Variants in MKNK1 observed in about 807,000 individuals in gnomAD.
The protein encoded by MKNK1 is MAPK interacting serine/threonine kinase 1.
MKNK1 carries 30 observed loss-of-function variants against 49.3 expected under a neutral mutation model. That is an observed-to-expected ratio of 0.61 (90% CI 0.46 to 0.83). The LOEUF (loss-of-function observed/expected upper bound fraction) is 0.83, where lower values mean the gene tolerates loss of function less well. Ranked by LOEUF, MKNK1 falls within the 40% of genes least tolerant of loss-of-function variation. The probability of loss-of-function intolerance (pLI) is 0.00; values close to 1 mark genes in which losing one functional copy is unlikely to be tolerated. For missense variants in MKNK1, 423 were observed against 524.7 expected (o/e 0.81, Z 1.89); for synonymous variants, 176 against 201.7 (o/e 0.87, Z 1.08).
chr1:46,560,791 T>G (rs1667821911), intron 11 of MKNK1, among the ~76,000 whole-genome samples: 2 of 152,132 alleles, frequency 1.3e-5, no homozygotes, highest in South Asian at 4.1e-4. Flanking sequence ...AATGAGCCAG[T>G]TAGACACTCA....
In MKNK1 at chr1:46,562,265, G is replaced by A. The variant is rs1254691464; in HGVS notation, c.804+384C>T. ...AAAAAATTAGCCAGACGTGGTGGCC[G>A]GCGCCTGTAGTCCCAGCTACTTGGG... is the stretch of plus-strand genomic sequence containing the variant. On this transcript the variant is annotated intron_variant, in intron 10 of 12. Transcript: ENST00000371945. Among the ~76,000 whole-genome samples, 7 of 151,738 alleles carry A rather than the reference G, an allele frequency of 4.6e-5. No homozygotes were observed. In the South Asian group the frequency reaches 1.0e-3, roughly 23 times the overall value.
In MKNK1 at chr1:46,561,662, C is replaced by A; in HGVS notation, c.805-20G>T. 1.9e-6 allele frequency: 3 copies of A among 1,611,758 alleles called. No individual in the cohort carries two copies. The highest frequency in any genetic ancestry group is 1.7e-6 in the Non-Finnish European group (2 of 1,178,632). On this transcript the variant is annotated intron_variant, in intron 10 of 12. Transcript: ENST00000371945. The stretch of plus-strand genomic sequence containing the variant: ...CTTGTTCTAGGTACAAAAGATTCCT[C>A]CTGAGGCCACACTGCCAGGGATGGG...
chr1:46,567,822 A>G (rs757049503), intron 8 of MKNK1, among the ~76,000 whole-genome samples: 6 of 152,250 alleles, frequency 3.9e-5, no homozygotes, highest in Non-Finnish European at 8.8e-5. Flanking sequence ...TCTGCTTCAC[A>G]TAAGATTAAG....
At chr1:46,602,853 C>A (rs1276204882) in intron 1 of MKNK1, among the ~76,000 whole-genome samples, 1 of 152,146 alleles carries the variant, frequency 6.6e-6, no homozygotes, top group African/African-American at 2.4e-5. Flanking sequence ...GCAAAAGGAA[C>A]TAAGTAATTC....
At chr1:46,587,089 C>T (rs1012959198) in intron 2 of MKNK1, among the ~76,000 whole-genome samples, 4 of 152,216 alleles carry the variant, frequency 2.6e-5, no homozygotes, top group African/African-American at 4.8e-5. Context: ...GGATTACAGA[C>T]GTGAACCACT....
chr1:46,568,978 G>C (rs541738828), intron 7 of MKNK1: 1 of 154,726 alleles, frequency 6.5e-6, no homozygotes, highest in East Asian at 1.9e-4. Context: ...AGAGGAGCAA[G>C]TGTTAGTTAC....
At chr1:46,571,511 C>A in intron 7 of MKNK1, 1 of 432,144 alleles carries the variant, frequency 2.3e-6, no homozygotes. Flanking sequence ...CCATAGCACT[C>A]CAGCCTAGGT....
chr1:46,603,150 C>T (rs1239086915), intron 1 of MKNK1, among the ~76,000 whole-genome samples: 2 of 152,244 alleles, frequency 1.3e-5, no homozygotes, highest in Non-Finnish European at 2.9e-5. Flanking sequence ...CCTGGATTTC[C>T]TCTTCACATC....
At chr1:46,562,468 G>A (rs974653858) in intron 10 of MKNK1, among the ~76,000 whole-genome samples, 181 bp downstream of exon 10, 10 of 147,642 alleles carry the variant, frequency 6.8e-5, no homozygotes, top group Admixed American at 3.4e-4. Context: ...TGAACTCCCA[G>A]CTGGGCGGAG....
At position 46,572,111 on chromosome 1, in the gene MKNK1, G is replaced by C; in HGVS notation, c.409C>G (p.Arg137Gly). The change falls in exon 7 of 13, where the codon CGA becomes GGA. Residue 137 changes from arginine to glycine, a missense_variant. By Grantham distance (125) the Arg-to-Gly change is moderately radical (BLOSUM62 -2). Coordinates refer to ENST00000371945, the MANE Select transcript of MKNK1 (RefSeq NM_001135553.4). The stretch of plus-strand genomic sequence containing the variant: ...GCAGCAGCAACGTCCCGCACCACTC[G>C]GCTGGCTTCTCGCTCATTGAAGTGC... ...QKHFNEREAS[R>G]VVRDVAAALD... is the part of the protein sequence containing the mutation. The C allele has an allele frequency of 1.2e-6, 2 of 1,614,174 alleles. No individual in the cohort carries two copies. The highest frequency in any genetic ancestry group is 8.5e-7 in the Non-Finnish European group (1 of 1,180,018).
intron 12 of MKNK1, among the ~76,000 whole-genome samples, chr1:46,559,469 T>G (rs1667546679): frequency 6.6e-6 from 1 of 152,168 alleles, no homozygotes; most frequent in African/African-American, 2.4e-5. Context: ...AACAGGGCAG[T>G]CCAGCTGTAA....
chr1:46,567,280 C>T (rs879552526), intron 8 of MKNK1, among the ~76,000 whole-genome samples: 1 of 152,158 alleles, frequency 6.6e-6, no homozygotes, highest in South Asian at 2.1e-4. Context: ...TCCTCACGTT[C>T]TTGTTATGAG....
chr1:46,591,641 C>T (rs550008317), intron 2 of MKNK1, among the ~76,000 whole-genome samples: 3 of 152,282 alleles, frequency 2.0e-5, no homozygotes, highest in East Asian at 1.9e-4. Flanking sequence ...CAAGCACAAA[C>T]GCAGCCCACG....
intron 1 of MKNK1, among the ~76,000 whole-genome samples, chr1:46,595,585 G>A (rs886500372): frequency 6.6e-6 from 1 of 152,114 alleles, no homozygotes; most frequent in Non-Finnish European, 1.5e-5. Flanking sequence ...CTTAATACAC[G>A]AAATATCTCT....
intron 11 of MKNK1, among the ~76,000 whole-genome samples, chr1:46,560,867 G>A (rs532101875): frequency 2.6e-5 from 4 of 152,336 alleles, no homozygotes; most frequent in African/African-American, 9.6e-5. Flanking sequence ...GGGTCACTGA[G>A]GCTGGCCAGA....
chr1:46,568,203 C>A, intron 8 of MKNK1: 3 of 471,320 alleles, frequency 6.4e-6, no homozygotes, highest in South Asian at 3.6e-5. Flanking sequence ...TAATTTTGTG[C>A]AGGTCTCATA....
chr1:46,600,310 G>A (rs1189012806), intron 1 of MKNK1, among the ~76,000 whole-genome samples: 1 of 152,168 alleles, frequency 6.6e-6, no homozygotes, highest in African/African-American at 2.4e-5. Context: ...TTTCCTCTGT[G>A]TATATTTCTC....
intron 4 of MKNK1, 50 bp from the exon 5 acceptor site, chr1:46,576,704 GC>G: frequency 2.6e-6 from 4 of 1,519,148 alleles, no homozygotes; most frequent in Non-Finnish European, 3.7e-6. Context: ...CTTCCAAACA[GC>G]CCTTTGGCAG....
intron 1 of MKNK1, among the ~76,000 whole-genome samples, chr1:46,596,817 A>C (rs1034065073): frequency 6.6e-6 from 1 of 152,180 alleles, no homozygotes; most frequent in East Asian, 1.9e-4. Flanking sequence ...GCAGCTCTGG[A>C]AAGCAACCCA....
Sources: gnomAD v4.1 joint callset for allele counts (sites outside exome capture counted in the v4.1 genomes callset) on GRCh38, gnomAD v4.1.1 for gene constraint, MANE v1.5 for transcripts, NCBI Gene and HGNC (gene_info 2026-07-23, HGNC 2026-07-21) for gene names.